The following RASEF variants were observed in gnomAD, a reference collection of about 807,000 sequenced individuals.
RASEF encodes ras and EF-hand domain-containing protein.
In RASEF, 68 loss-of-function variants were observed where a neutral mutation model predicts 90.1. The observed-to-expected ratio is 0.75, with a 90% CI of 0.62 to 0.92. RASEF has a LOEUF of 0.92. Among genes scored for constraint, RASEF ranks in the 40% least tolerant of loss-of-function variants. The pLI is 0.00. For missense variants in RASEF, 949 were observed against 937.2 expected, an observed-to-expected ratio of 1.01 and a Z score of -0.16; for synonymous variants, 331 against 345.2, an observed-to-expected ratio of 0.96 and a Z score of 0.46.
chr9:83,149,180 C>T, the RASEF span, among the ~76,000 whole-genome samples: 2 of 152,304 alleles, frequency 1.3e-5, no homozygotes, highest in Middle Eastern at 3.4e-3. Flanking sequence ...TCTTATTGGC[C>T]ACAAAGATTA....
upstream of RASEF, among the ~76,000 whole-genome samples, chr9:83,064,046 T>A (rs1830259988): frequency 6.6e-6 from 1 of 152,228 alleles, no homozygotes; most frequent in Non-Finnish European, 1.5e-5. Flanking sequence ...ACTTTCTGAC[T>A]CTGTATTTTT....
the RASEF span, among the ~76,000 whole-genome samples, chr9:83,097,083 C>T: frequency 6.6e-6 from 1 of 152,148 alleles, no homozygotes; most frequent in Non-Finnish European, 1.5e-5. Context: ...AATAGTGCCG[C>T]AATAAACATA....
chr9:83,088,246 G>A, the RASEF span, among the ~76,000 whole-genome samples: 1 of 151,706 alleles, frequency 6.6e-6, no homozygotes, highest in South Asian at 2.1e-4. Flanking sequence ...TATTTATATC[G>A]ATGTAGATAT....
At chr9:83,160,222 C>A in the RASEF span, among the ~76,000 whole-genome samples, 11 of 152,182 alleles carry the variant, frequency 7.2e-5, no homozygotes, top group East Asian at 1.7e-3. Context: ...GTTTGGTGGG[C>A]TCAGAAGACA....
chr9:83,049,151 G>T, intron 1 of RASEF: 24 of 209,020 alleles, frequency 1.1e-4, no homozygotes, highest in Non-Finnish European at 2.0e-4. Flanking sequence ...AGAATCCTGT[G>T]AATTCCAGAG....
the RASEF span, among the ~76,000 whole-genome samples, chr9:83,129,116 T>G: frequency 4.6e-5 from 7 of 152,166 alleles, no homozygotes; most frequent in African/African-American, 1.7e-4. Flanking sequence ...TTTCAAATAG[T>G]GCCTTTGGGG....
the RASEF span, among the ~76,000 whole-genome samples, chr9:83,165,476 T>C: frequency 6.6e-6 from 1 of 152,078 alleles, no homozygotes; most frequent in Non-Finnish European, 1.5e-5. Flanking sequence ...AAAGACAACT[T>C]ATCAAATTTT....
At position 83,021,482 on chromosome 9, in the gene RASEF, T is replaced by A. The variant is rs1038470512; in HGVS notation, c.669+854A>T. Among the ~76,000 whole-genome samples, 3 of 152,338 alleles carry A rather than the reference T, an allele frequency of 2.0e-5. No individual in the cohort carries two copies. In the South Asian group the frequency reaches 6.2e-4, roughly 32 times the overall value. On this transcript the variant is annotated intron_variant, in intron 3 of 16. Coordinates refer to ENST00000376447, the MANE Select transcript of RASEF (RefSeq NM_152573.4). The stretch of plus-strand genomic sequence containing the variant: ...CACCCAAAAATATTTTATAAAAAAA[T>A]TATTTCTTCAATGGAAATCACTGAA...
the RASEF span, among the ~76,000 whole-genome samples, chr9:83,154,383 C>A: frequency 5.9e-5 from 9 of 152,154 alleles, no homozygotes; most frequent in Non-Finnish European, 5.9e-5. Flanking sequence ...TTTCTAGAAC[C>A]CTTTCTTCCC....
At chr9:83,006,844 A>C (rs1229664269) in intron 7 of RASEF, among the ~76,000 whole-genome samples, 1 of 152,196 alleles carries the variant, frequency 6.6e-6, no homozygotes, top group African/African-American at 2.4e-5. Context: ...CTGTCATCCC[A>C]GCACTTTGGG....
chr9:82,988,838 G>A (rs149780619), intron 16 of RASEF, among the ~76,000 whole-genome samples: 2 of 152,268 alleles, frequency 1.3e-5, no homozygotes, highest in African/African-American at 2.4e-5. Flanking sequence ...TTTATAAATT[G>A]CAGTCTCGGG....
intron 7 of RASEF, 128 bp from the exon 8 acceptor site, chr9:83,005,628 C>T: frequency 1.4e-6 from 1 of 711,470 alleles, no homozygotes; most frequent in Non-Finnish European, 2.5e-6. Context: ...CAACTTTCCA[C>T]CACTTCCCTT....
chr9:83,200,634 A>T, the RASEF span, among the ~76,000 whole-genome samples: 1 of 152,098 alleles, frequency 6.6e-6, no homozygotes, highest in Non-Finnish European at 1.5e-5. Context: ...ACCTGTCATC[A>T]TCATTTTTGT....
the RASEF span, among the ~76,000 whole-genome samples, chr9:83,103,538 T>C: frequency 6.6e-6 from 1 of 152,158 alleles, no homozygotes; most frequent in Non-Finnish European, 1.5e-5. Flanking sequence ...TTATTAAAGG[T>C]GTATGATGAG....
At chr9:83,201,200 G>A in the RASEF span, 1 of 152,226 alleles carries the variant, frequency 6.6e-6, no homozygotes, top group Non-Finnish European at 1.5e-5. Context: ...TGGCAGAACA[G>A]AAGTCACAGC....
chr9:83,059,796 G>T (rs1366075001), intron 1 of RASEF, among the ~76,000 whole-genome samples: 1 of 152,078 alleles, frequency 6.6e-6, no homozygotes, highest in Non-Finnish European at 1.5e-5. Flanking sequence ...CTTCATATCT[G>T]CCAGGCTCAG....
At chr9:83,164,347 G>GTGTGTATATATA in the RASEF span, among the ~76,000 whole-genome samples, 3,934 of 129,684 alleles carry the variant, frequency 0.03, 110 homozygotes, top group East Asian at 0.037. Flanking sequence ...GTATATGTGT[G>GTGTGTATATATA]TATATATATA....
the RASEF span, among the ~76,000 whole-genome samples, chr9:83,083,885 G>A: frequency 6.6e-6 from 1 of 151,758 alleles, no homozygotes; most frequent in Admixed American, 6.6e-5. Context: ...CTATTTCTAG[G>A]GCTTTATACC....
intron 16 of RASEF, among the ~76,000 whole-genome samples, chr9:82,987,909 C>T (rs545063216): frequency 1.3e-5 from 2 of 152,282 alleles, no homozygotes; most frequent in African/African-American, 4.8e-5. Context: ...CACCATAATC[C>T]TCCAATATGC....
Sources: gnomAD v4.1 joint callset for allele counts (sites outside exome capture counted in the v4.1 genomes callset) on GRCh38, gnomAD v4.1.1 for gene constraint, MANE v1.5 for transcripts, NCBI Gene and HGNC (gene_info 2026-07-23, HGNC 2026-07-21) for gene names.